AMD1: variants seen among roughly 807,000 people sequenced by gnomAD.
AMD1 encodes the protein adenosylmethionine decarboxylase 1.
Under a neutral mutation model 40.2 loss-of-function variants are expected in AMD1, and 11 were observed. That is an observed-to-expected ratio of 0.27 (90% CI 0.17 to 0.45). AMD1 has a LOEUF of 0.45. Among genes scored for constraint, AMD1 ranks in the 20% least tolerant of loss-of-function variants. AMD1 has a pLI of 1.00. For synonymous variants in AMD1, 121 were observed against 130.8 expected (o/e 0.93, Z 0.51); for missense variants, 257 against 410.2 (o/e 0.63, Z 3.23).
chr6:110,879,940 G>A (rs1199606210), intron 1 of AMD1, among the ~76,000 whole-genome samples: 2 of 152,024 alleles, frequency 1.3e-5, no homozygotes, highest in African/African-American at 4.8e-5. Flanking sequence ...CTGCACTAAT[G>A]GGATCCTTCT....
At chr6:110,863,136 G>A in the AMD1 span, among the ~76,000 whole-genome samples, 1 of 151,598 alleles carries the variant, frequency 6.6e-6, no homozygotes, top group Non-Finnish European at 1.5e-5. Flanking sequence ...TAGTAGAGAC[G>A]GGGTTTCACT....
the AMD1 span, among the ~76,000 whole-genome samples, chr6:110,842,236 C>T: frequency 2.6e-5 from 4 of 152,152 alleles, no homozygotes; most frequent in African/African-American, 9.7e-5. Context: ...TGCCTTTGTT[C>T]CACACTATGT....
At chr6:110,858,598 G>T in the AMD1 span, 6 of 1,580,224 alleles carry the variant, frequency 3.8e-6, no homozygotes, top group East Asian at 9.0e-5. Context: ...TGACGCAGCT[G>T]CAGGTGTCTC....
the AMD1 span, among the ~76,000 whole-genome samples, chr6:110,868,877 G>A: frequency 3.3e-5 from 5 of 151,848 alleles, no homozygotes; most frequent in Non-Finnish European, 7.4e-5. Context: ...CCAACATGGA[G>A]AAACCCTGAC....
chr6:110,884,210 G>A (rs867784801), intron 1 of AMD1, among the ~76,000 whole-genome samples: 3 of 152,188 alleles, frequency 2.0e-5, no homozygotes, highest in South Asian at 2.1e-4. Flanking sequence ...TAGAAACATT[G>A]AGTAAAAACT....
the AMD1 span, among the ~76,000 whole-genome samples, chr6:110,846,953 C>T: frequency 6.6e-6 from 1 of 151,936 alleles, no homozygotes; most frequent in Non-Finnish European, 1.5e-5. Flanking sequence ...ACATTTTTCA[C>T]TTTGCAATGC....
intron 2 of AMD1, 44 bp from the exon 3 acceptor site, chr6:110,888,813 G>GT: frequency 6.3e-7 from 1 of 1,580,078 alleles, no homozygotes; most frequent in Non-Finnish European, 8.6e-7. Context: ...ACCCTCAGTA[G>GT]TACATTAGTA....
intron 1 of AMD1, among the ~76,000 whole-genome samples, chr6:110,876,129 A>T (rs1043489627): frequency 6.6e-6 from 1 of 152,212 alleles, no homozygotes; most frequent in Non-Finnish European, 1.5e-5. Flanking sequence ...GTCACGCGAG[A>T]GATACTTGGG....
In AMD1 at chr6:110,894,772, C is replaced by T. The variant is rs1786218574; in HGVS notation, c.*1156C>T. Reference sequence around the variant, plus strand: ...AGCAGAATCAATGTCTTTTCCATCTCGTGACTTAAAGTTCTGTGACTGTGA... The same window carrying T: ...AGCAGAATCAATGTCTTTTCCATCTTGTGACTTAAAGTTCTGTGACTGTGA... On this transcript the variant is annotated 3_prime_UTR_variant, in exon 9 of 9. Coordinates refer to ENST00000368885, the MANE Select transcript of AMD1 (RefSeq NM_001634.6). 1 of 152,106 alleles carries T rather than the reference C, an allele frequency of 6.6e-6. No individual in the cohort carries two copies. Among genetic ancestry groups the T allele is most frequent in the Non-Finnish European group, 1.5e-5 (1 of 68,020 alleles). The allele number at this position is 152,106 out of a possible 1,614,324, so 9.4% of individuals were successfully genotyped here. A position where few individuals can be genotyped will look rare whatever the true frequency, so the allele number is the denominator to read the frequency against.
the AMD1 span, among the ~76,000 whole-genome samples, chr6:110,830,766 G>T: frequency 1.3e-5 from 2 of 152,172 alleles, no homozygotes; most frequent in Admixed American, 1.3e-4. Context: ...AACTATCCCA[G>T]GCTAAGCCCC....
chr6:110,882,150 GAC>G (rs1231488162), intron 1 of AMD1, among the ~76,000 whole-genome samples: 4 of 152,138 alleles, frequency 2.6e-5, no homozygotes, highest in African/African-American at 9.7e-5. Flanking sequence ...TTCTATTTTT[GAC>G]ACACAGTCTC....
In AMD1 at chr6:110,890,301, G is replaced by A; in HGVS notation, c.372G>A (p.Gly124=). 1 of 1,596,682 alleles carries A rather than the reference G, an allele frequency of 6.3e-7. No individual in the cohort carries two copies. The part of the protein sequence containing the change: ...RKNFMKPSHQ[G]YPHRNFQEEI... ...ATTTCATGAAGCCTTCTCACCAAGGGTACCCACACCGGAATTTCCAGGAAG... is the reference window on the plus strand; with the variant it reads ...ATTTCATGAAGCCTTCTCACCAAGGATACCCACACCGGAATTTCCAGGAAG... Residue 124 remains glycine, a synonymous_variant, in exon 4 of 9, where the codon GGG becomes GGA. Coordinates refer to ENST00000368885, the MANE Select transcript of AMD1 (RefSeq NM_001634.6).
intron 1 of AMD1, among the ~76,000 whole-genome samples, chr6:110,884,131 G>A (rs1454881315): frequency 3.3e-5 from 5 of 152,218 alleles, no homozygotes; most frequent in Admixed American, 1.3e-4. Flanking sequence ...TGGCAAATAA[G>A]TGGGGCAGAT....
the AMD1 span, among the ~76,000 whole-genome samples, chr6:110,852,040 A>G: frequency 4.7e-5 from 7 of 148,994 alleles, no homozygotes; most frequent in Admixed American, 2.0e-4. Context: ...CTTCTGTAAC[A>G]TAACGAGATT....
chr6:110,855,280 A>T, the AMD1 span, among the ~76,000 whole-genome samples: 5 of 151,898 alleles, frequency 3.3e-5, no homozygotes, highest in Admixed American at 1.3e-4. Context: ...CTCTGTAACT[A>T]TATACTATAT....
At chr6:110,815,187 T>A in the AMD1 span, 1 of 1,452,596 alleles carries the variant, frequency 6.9e-7, no homozygotes, top group Non-Finnish European at 9.1e-7. Context: ...CGCCGCTCAG[T>A]CCCTCCTCCT....
chr6:110,873,144 C>T (rs537184974), upstream of AMD1, among the ~76,000 whole-genome samples: 12 of 152,310 alleles, frequency 7.9e-5, no homozygotes, highest in Admixed American at 6.5e-4. Flanking sequence ...GTGGGCAGAT[C>T]ACCTGAGGTC....
At chr6:110,831,527 T>G in the AMD1 span, among the ~76,000 whole-genome samples, 1 of 152,106 alleles carries the variant, frequency 6.6e-6, no homozygotes, top group Non-Finnish European at 1.5e-5. Context: ...ACTCTTGGGC[T>G]CAAGCAATCC....
chr6:110,839,157 T>C, the AMD1 span, among the ~76,000 whole-genome samples: 1 of 152,346 alleles, frequency 6.6e-6, no homozygotes, highest in African/African-American at 2.4e-5. Flanking sequence ...GATTTGTATC[T>C]TTTCTATTCA....
Sources: allele counts gnomAD v4.1 joint callset (sites outside exome capture counted in the v4.1 genomes callset), GRCh38; gene constraint gnomAD v4.1.1; transcripts MANE v1.5; gene names NCBI Gene and HGNC (gene_info 2026-07-23, HGNC 2026-07-21).